Variants in NRK observed in about 807,000 individuals in gnomAD.
NRK encodes nik-related protein kinase.
Under a neutral mutation model 125.2 loss-of-function variants are expected in NRK, and 67 were observed. The ratio of observed to expected loss-of-function variants is 0.54; its 90% CI spans 0.44 to 0.66. NRK has a LOEUF of 0.66. Among genes scored for constraint, NRK ranks in the 30% least tolerant of loss-of-function variants. The pLI, the probability that NRK is intolerant of heterozygous loss-of-function variation, is 0.00. For synonymous variants in NRK, 458 were observed against 429.0 expected (o/e 1.07, Z -0.84); for missense variants, 1,224 against 1,192.9 (o/e 1.03, Z -0.38).
chrX:105,946,618 C>G (rs1016858560), intron 26 of NRK, among the ~76,000 whole-genome samples, 154 bp downstream of exon 26: 1 of 112,082 alleles, frequency 8.9e-6, no homozygotes, highest in African/African-American at 3.2e-5. Context: ...AGAAAGTGGT[C>G]TTGCATAAAC....
chrX:105,932,378 G>A (rs2040606894), intron 19 of NRK, among the ~76,000 whole-genome samples: 1 of 111,522 alleles, frequency 9.0e-6, no homozygotes, highest in African/African-American at 3.3e-5. Context: ...ATGTAATCAG[G>A]CTATGCTTAA....
intron 26 of NRK, chrX:105,948,827 AT>A: frequency 2.6e-6 from 1 of 387,380 alleles, no homozygotes; most frequent in African/African-American, 2.6e-5. Flanking sequence ...GAGGAACACA[AT>A]TTTTCATTTG....
chrX:105,854,470 C>T (rs919806984), intron 2 of NRK, among the ~76,000 whole-genome samples: 1 of 111,918 alleles, frequency 8.9e-6, no homozygotes, highest in Non-Finnish European at 1.9e-5. Context: ...TTAACATCTA[C>T]AAGCCACTTG....
At chrX:105,881,198 A>C (rs1178627480) in intron 3 of NRK, among the ~76,000 whole-genome samples, 1 of 111,635 alleles carries the variant, frequency 9.0e-6, no homozygotes, top group Non-Finnish European at 1.9e-5. Flanking sequence ...TAAATGTCAA[A>C]AGTTGCAAAC....
chrX:105,899,858 C>A (rs991280898), intron 8 of NRK, among the ~76,000 whole-genome samples: 1 of 110,237 alleles, frequency 9.1e-6, no homozygotes, highest in East Asian at 2.9e-4. Flanking sequence ...ATCCTAGCTA[C>A]TCGGGAGGCT....
chrX:105,921,829 T>G (rs1023511616), intron 16 of NRK, 135 bp from the exon 17 acceptor site: 3 of 379,438 alleles, frequency 7.9e-6, no homozygotes, highest in African/African-American at 2.7e-5. Context: ...CAGGTGATAC[T>G]TCCTGAATGG....
intron 9 of NRK, 42 bp downstream of exon 9, chrX:105,900,714 T>G: frequency 1.2e-6 from 1 of 800,088 alleles, no homozygotes; most frequent in South Asian, 2.3e-5. Context: ...ATTAGGGAAA[T>G]GTACTGTACA....
chrX:105,840,451 ATAAATT>A (rs1270164747), intron 2 of NRK, among the ~76,000 whole-genome samples: 2 of 111,692 alleles, frequency 1.8e-5, no homozygotes, highest in Non-Finnish European at 3.8e-5. Flanking sequence ...AGCAGGAAAA[ATAAATT>A]TAAATATTTG....
At chrX:105,931,692 C>A (rs2040596827) in intron 19 of NRK, among the ~76,000 whole-genome samples, 1 of 111,197 alleles carries the variant, frequency 9.0e-6, no homozygotes, top group Admixed American at 9.5e-5. Flanking sequence ...CACTCCAACA[C>A]TCTCCCTCAG....
rs1434673253 is a variant in NRK, at chrX:105,909,324, A to G, written c.1683A>G (p.Val561=). Residue 561 remains valine (V), a synonymous_variant, in exon 13 of 29, where the codon GTA becomes GTG. Transcript: ENST00000243300. ...EQNQAPEQPE[V]QEQAAEPAQA... ...ACCAGGCACCTGAACAGCCAGAGGT[A>G]CAGGAACAGGCTGCCGAGCCTGCAC... The G allele has an allele frequency of 8.3e-7, 1 of 1,205,540 alleles. No individual in the cohort carries two copies. The highest frequency in any genetic ancestry group is 1.8e-5 in the South Asian group (1 of 56,257).
intron 4 of NRK, among the ~76,000 whole-genome samples, chrX:105,882,531 A>C (rs1026390456): frequency 9.0e-6 from 1 of 111,575 alleles, no homozygotes; most frequent in Admixed American, 9.6e-5. Flanking sequence ...GCTCTTATCA[A>C]TATAATGAAT....
intron 11 of NRK, among the ~76,000 whole-genome samples, 175 bp downstream of exon 11, chrX:105,906,764 CGTGT>C (rs61655627): frequency 0.057 from 4,993 of 87,440 alleles, 133 homozygotes; most frequent in East Asian, 0.093. Flanking sequence ...TTTTCTCTTG[CGTGT>C]GTGTGTGTGT....
intron 19 of NRK, among the ~76,000 whole-genome samples, chrX:105,927,666 G>T (rs1297148331): frequency 1.8e-5 from 2 of 111,224 alleles, no homozygotes; most frequent in East Asian, 5.6e-4. Context: ...TACCCAAACT[G>T]TGGAGAGTTT....
chrX:105,845,539 A>G (rs748750561), intron 2 of NRK, among the ~76,000 whole-genome samples: 1 of 112,520 alleles, frequency 8.9e-6, no homozygotes, highest in African/African-American at 3.2e-5. Flanking sequence ...CCAACAGCAT[A>G]TAGTTATACT....
chrX:105,830,947 G>A, intron 1 of NRK, 107 bp from the exon 2 acceptor site: 1 of 496,385 alleles, frequency 2.0e-6, no homozygotes, highest in South Asian at 2.8e-5. Context: ...TCTGCACGTT[G>A]TGCACATGTA....
chrX:105,849,172 A>G (rs1304329410), intron 2 of NRK, among the ~76,000 whole-genome samples: 1 of 111,750 alleles, frequency 8.9e-6, no homozygotes, highest in Non-Finnish European at 1.9e-5. Context: ...TGGGAGGTGA[A>G]AGGCACTTCT....
intron 2 of NRK, among the ~76,000 whole-genome samples, chrX:105,840,630 C>G (rs1292567209): frequency 9.0e-6 from 1 of 110,693 alleles, no homozygotes; most frequent in African/African-American, 3.3e-5. Context: ...AATAGGCATA[C>G]AAAATTGCCT....
chrX:105,893,424 T>C (rs993072288), intron 5 of NRK, among the ~76,000 whole-genome samples: 1 of 112,180 alleles, frequency 8.9e-6, no homozygotes, highest in African/African-American at 3.2e-5. Context: ...TTAAACTGTT[T>C]CCTTGACCAT....
In NRK at chrX:105,944,175, TTTGC is replaced by T; in HGVS notation, c.4059+142_4059+145del. 4 of 402,686 alleles carry T rather than the reference TTTGC, an allele frequency of 9.9e-6. No homozygotes were observed. The South Asian group carries it at 1.6e-4, about 16-fold the overall frequency. 33.2% of individuals were successfully genotyped at this position (402,686 alleles called of 1,213,427 possible). On this transcript the variant is annotated intron_variant, in intron 24 of 28. Coordinates refer to ENST00000243300, the MANE Select transcript of NRK (RefSeq NM_198465.4). ...ATAGTTAATGAAATTTTGTTGTTAG[TTTGC>T]TTGCTTGTTTGTTTGTTTATTTTTT...
Sources: gnomAD v4.1 joint callset for allele counts (sites outside exome capture counted in the v4.1 genomes callset) on GRCh38, gnomAD v4.1.1 for gene constraint, MANE v1.5 for transcripts, NCBI Gene and HGNC (gene_info 2026-07-23, HGNC 2026-07-21) for gene names.